Variants in TP73 observed in about 807,000 individuals in gnomAD.
TP73 encodes p53-like transcription factor.
In TP73, 25 loss-of-function variants were observed where a neutral mutation model predicts 62.5. The observed-to-expected ratio is 0.40, with a 90% CI of 0.29 to 0.56. The LOEUF (loss-of-function observed/expected upper bound fraction) is 0.56. Among genes scored for constraint, TP73 ranks in the 20% least tolerant of loss-of-function variants. The probability of loss-of-function intolerance (pLI) is 0.46; values close to 1 mark genes in which losing one functional copy is unlikely to be tolerated. For missense variants in TP73, 754 were observed against 913.3 expected, an observed-to-expected ratio of 0.83 and a Z score of 2.25; for synonymous variants, 423 against 377.5, an observed-to-expected ratio of 1.12 and a Z score of -1.40.
At chr1:3,664,816 C>T (rs1053704868) in intron 1 of TP73, among the ~76,000 whole-genome samples, 10 of 152,254 alleles carry the variant, frequency 6.6e-5, no homozygotes, top group East Asian at 1.9e-4. Context: ...TTACCAGATG[C>T]GGTCAGGCTA....
rs542723002 is a variant in TP73, at chr1:3,716,994, TA to T, written c.430-5019del. Among the ~76,000 whole-genome samples, 961 of 151,826 alleles carry T rather than the reference TA, an allele frequency of 6.3e-3. 7 individuals carry two copies. The highest frequency in any genetic ancestry group is 0.021 in the African/African-American group (887 of 41,380). On this transcript the variant is annotated intron_variant, in intron 4 of 13. Coordinates refer to ENST00000378295, the MANE Select transcript of TP73 (RefSeq NM_005427.4). ...AAGGGAACTGGATAAAAGTGAGCAA[TA>T]AAAAAAATCGTTTAAAAAATAAAAG... is the stretch of plus-strand genomic sequence containing the variant.
intron 3 of TP73, among the ~76,000 whole-genome samples, chr1:3,683,444 G>A (rs1645572087): frequency 6.6e-6 from 1 of 152,070 alleles, no homozygotes; most frequent in Non-Finnish European, 1.5e-5. Flanking sequence ...GGTGTAGGAA[G>A]GGCTTCAGGC....
At chr1:3,673,774 T>C (rs1300182615) in intron 1 of TP73, among the ~76,000 whole-genome samples, 3 of 152,144 alleles carry the variant, frequency 2.0e-5, no homozygotes, top group Non-Finnish European at 4.4e-5. Flanking sequence ...CTCTTGGATG[T>C]CTGGATGTGG....
intron 5 of TP73, 121 bp from the exon 6 acceptor site, chr1:3,723,233 C>T: frequency 1.3e-6 from 1 of 749,518 alleles, no homozygotes; most frequent in Non-Finnish European, 2.3e-6. Flanking sequence ...GGGTACCTCT[C>T]TGCACCTGAC....
chr1:3,684,905 C>T (rs1053158181), intron 3 of TP73, among the ~76,000 whole-genome samples: 3 of 152,154 alleles, frequency 2.0e-5, no homozygotes, highest in African/African-American at 4.8e-5. Context: ...GAAAGTGAGA[C>T]TGCAACCTCT....
chr1:3,725,747 G>GGGGATGGA (rs1553146265), intron 6 of TP73, among the ~76,000 whole-genome samples: 7 of 36,712 alleles, frequency 1.9e-4, no homozygotes, highest in Non-Finnish European at 3.0e-4. Flanking sequence ...AAATGGGGGA[G>GGGGATGGA]TGGATGGATG....
At chr1:3,718,854 G>A (rs928592878) in intron 4 of TP73, among the ~76,000 whole-genome samples, 6 of 152,162 alleles carry the variant, frequency 3.9e-5, no homozygotes, top group South Asian at 2.1e-4. Flanking sequence ...GTAGGGAAGC[G>A]GGGCCTGTGT....
chr1:3,689,518 C>T (rs1247255131), intron 3 of TP73, among the ~76,000 whole-genome samples: 3 of 152,054 alleles, frequency 2.0e-5, no homozygotes, highest in African/African-American at 4.8e-5. Flanking sequence ...TGGGGCAGGG[C>T]GGGTCCCCAG....
chr1:3,667,281 C>A (rs1020200622), intron 1 of TP73, among the ~76,000 whole-genome samples: 4 of 152,206 alleles, frequency 2.6e-5, no homozygotes, highest in African/African-American at 9.7e-5. Flanking sequence ...CAGCCCTGCC[C>A]GCAGTTTGGC....
At chr1:3,710,493 C>T (rs368118334) in intron 4 of TP73, among the ~76,000 whole-genome samples, 16 of 152,298 alleles carry the variant, frequency 1.1e-4, no homozygotes, top group East Asian at 3.9e-4. Flanking sequence ...CCTGTGCTTG[C>T]GTCCGGCCTC....
In TP73 at chr1:3,732,982, G is replaced by T; in HGVS notation, c.1814G>T (p.Gly605Val). Reference protein sequence around the residue: ...TIPNRGGPGGGPDEWADFGFD... With the variant: ...TIPNRGGPGGVPDEWADFGFD... ...CCCAACCGCGGCGGCCCAGGCGGCG[G>T]CCCTGACGAGTGGGCGGACTTCGGC... The change falls in exon 14 of 14, where the codon GGC (glycine) becomes GTC (valine). Residue 605 changes from glycine to valine, a missense_variant. Coordinates refer to ENST00000378295, the MANE Select transcript of TP73 (RefSeq NM_005427.4). 1 of 1,594,080 alleles carries T rather than the reference G, an allele frequency of 6.3e-7. No homozygotes were observed. The highest frequency in any genetic ancestry group is 8.5e-7 in the Non-Finnish European group (1 of 1,173,444).
At chr1:3,694,845 C>A (rs1570478959) in intron 3 of TP73, among the ~76,000 whole-genome samples, 1 of 144,928 alleles carries the variant, frequency 6.9e-6, no homozygotes. Flanking sequence ...AGCCCCTCCT[C>A]CTGCAATCCC....
At chr1:3,730,197 C>T (rs12096003) in intron 11 of TP73, 49 bp downstream of exon 11, 7 of 1,465,220 alleles carry the variant, frequency 4.8e-6, no homozygotes, top group Non-Finnish European at 6.4e-6. Context: ...GGGAGGCCCA[C>T]TGGGGGCGCC....
intron 1 of TP73, among the ~76,000 whole-genome samples, chr1:3,661,077 T>C (rs1016093950): frequency 2.0e-5 from 3 of 152,248 alleles, no homozygotes; most frequent in Non-Finnish European, 4.4e-5. Flanking sequence ...GCAAATTTAG[T>C]TGATCAAATA....
At chr1:3,681,335 C>T (rs544742247) in intron 1 of TP73, among the ~76,000 whole-genome samples, 12 of 152,246 alleles carry the variant, frequency 7.9e-5, no homozygotes, top group Admixed American at 3.9e-4. Flanking sequence ...TCACCTCAGC[C>T]GGGGCTGGGG....
intron 4 of TP73, among the ~76,000 whole-genome samples, chr1:3,711,958 G>A (rs779332612): frequency 1.1e-4 from 17 of 152,146 alleles, no homozygotes; most frequent in Admixed American, 2.0e-4. Flanking sequence ...ATGGAAGGAC[G>A]GCCAGGGAAG....
intron 1 of TP73, among the ~76,000 whole-genome samples, chr1:3,674,114 T>G (rs1645305633): frequency 6.6e-6 from 1 of 152,164 alleles, no homozygotes; most frequent in Non-Finnish European, 1.5e-5. Context: ...TGCTTTGGTG[T>G]TTCTACATTT....
rs1361332100 is a variant in TP73 at position 3,696,894 on chromosome 1, C to G, written c.187-10655C>G. 6.6e-6 allele frequency among the ~76,000 whole-genome samples: 1 copy of G among 152,180 alleles called. No individual in the cohort carries two copies. The highest frequency in any genetic ancestry group is 6.5e-5 in the Admixed American group (1 of 15,288). ...CTAGTGCACGCCCGCCTCCGGCCCCCCTGCCACCCTCGGCCAGCTGCTATT... is the reference window on the plus strand; with the variant it reads ...CTAGTGCACGCCCGCCTCCGGCCCCGCTGCCACCCTCGGCCAGCTGCTATT... On this transcript the variant is annotated intron_variant, in intron 3 of 13. Transcript: ENST00000378295. The surrounding 1 kb of genome is among the most constrained non-coding windows in gnomAD (Gnocchi z 4.1).
intron 5 of TP73, among the ~76,000 whole-genome samples, chr1:3,722,935 C>T (rs1641204718): frequency 6.8e-6 from 1 of 147,228 alleles, no homozygotes; most frequent in South Asian, 2.2e-4. Flanking sequence ...CTGCACCTGG[C>T]ATGGGGCTGG....
Sources: gnomAD v4.1 joint callset for allele counts (sites outside exome capture counted in the v4.1 genomes callset) on GRCh38, gnomAD v4.1.1 for gene constraint, Gnocchi (gnomAD v3.1) non-coding constraint, MANE v1.5 for transcripts, NCBI Gene and HGNC (gene_info 2026-07-23, HGNC 2026-07-21) for gene names.